Variants in NKAIN2 observed in about 807,000 individuals in gnomAD.
NKAIN2 encodes the protein sodium/potassium-transporting ATPase subunit beta-1-interacting protein 2.
NKAIN2 carries 14 observed loss-of-function variants against 32.6 expected under a neutral mutation model. The ratio of observed to expected loss-of-function variants is 0.43; its 90% CI spans 0.28 to 0.67. The LOEUF (loss-of-function observed/expected upper bound fraction) is 0.67, where lower values mean the gene tolerates loss of function less well. NKAIN2 is among the 30% of genes least tolerant of loss of function. The probability of loss-of-function intolerance (pLI) is 0.17; values close to 1 mark genes in which losing one functional copy is unlikely to be tolerated. For missense variants in NKAIN2, 198 were observed against 258.3 expected (o/e 0.77, Z 1.60); for synonymous variants, 80 against 87.2 (o/e 0.92, Z 0.46).
intron 1 of NKAIN2, among the ~76,000 whole-genome samples, chr6:124,113,303 T>C (rs902173081): frequency 2.6e-5 from 4 of 152,154 alleles, no homozygotes; most frequent in African/African-American, 9.6e-5. Flanking sequence ...CTATTTTTCC[T>C]CAGGTGGCTA....
intron 4 of NKAIN2, among the ~76,000 whole-genome samples, chr6:124,783,259 T>C (rs918262247): frequency 1.3e-5 from 2 of 152,194 alleles, no homozygotes; most frequent in Non-Finnish European, 2.9e-5. Flanking sequence ...AAGTTTGGAC[T>C]GAAGAAATCT....
intron 4 of NKAIN2, among the ~76,000 whole-genome samples, chr6:124,762,030 A>G (rs904553307): frequency 1.3e-5 from 2 of 152,122 alleles, no homozygotes; most frequent in Admixed American, 1.3e-4. Flanking sequence ...AGAAGTAACT[A>G]TTAGATGTTT....
Position 124,695,492 on chromosome 6 carries a change from C to T in NKAIN2, c.474+37106C>T, listed in dbSNP as rs140409465. ...CCACTTATTGATTTGATTCTGAGAG[C>T]TTTATGAAGGTTAAATATTGTTCTG... is the stretch of plus-strand genomic sequence containing the variant. On this transcript the variant is annotated intron_variant, in intron 4 of 6. Transcript: ENST00000368417. 2.1e-3 allele frequency among the ~76,000 whole-genome samples: 315 copies of T among 152,270 alleles called. 1 individual carries two copies. Among genetic ancestry groups the T allele is most frequent in the African/African-American group, 7.3e-3 (303 of 41,560 alleles).
chr6:124,467,442 C>T (rs1776805243), intron 3 of NKAIN2, among the ~76,000 whole-genome samples: 1 of 152,066 alleles, frequency 6.6e-6, no homozygotes, highest in African/African-American at 2.4e-5. Context: ...AAAGACTTCA[C>T]TACAGTTACA....
At chr6:124,730,746 A>G (rs1188608615) in intron 4 of NKAIN2, among the ~76,000 whole-genome samples, 2 of 151,926 alleles carry the variant, frequency 1.3e-5, no homozygotes, top group Non-Finnish European at 2.9e-5. Context: ...TGCACAGCAA[A>G]AGAAACTACC....
chr6:124,010,459 T>A (rs1780273349), intron 1 of NKAIN2, among the ~76,000 whole-genome samples: 1 of 151,330 alleles, frequency 6.6e-6, no homozygotes, highest in Non-Finnish European at 1.5e-5. Context: ...TATGCTTTCA[T>A]TGCAAATTTA....
chr6:124,775,304 G>A (rs1778938409), intron 4 of NKAIN2, among the ~76,000 whole-genome samples: 1 of 152,160 alleles, frequency 6.6e-6, no homozygotes, highest in South Asian at 2.1e-4. Flanking sequence ...ATTGGGCCAA[G>A]CCATTCTGAA....
At chr6:124,026,579 C>T (rs1265322906) in intron 1 of NKAIN2, among the ~76,000 whole-genome samples, 1 of 152,130 alleles carries the variant, frequency 6.6e-6, no homozygotes, top group African/African-American at 2.4e-5. Flanking sequence ...CATGACACTA[C>T]TCCCCTCTCC....
At chr6:124,288,142 T>C (rs999616250) in intron 2 of NKAIN2, among the ~76,000 whole-genome samples, 3 of 152,216 alleles carry the variant, frequency 2.0e-5, no homozygotes, top group Non-Finnish European at 4.4e-5. Flanking sequence ...CTGATTCTCC[T>C]GTATATCTAC....
chr6:124,477,737 T>C (rs1195770764), intron 3 of NKAIN2, among the ~76,000 whole-genome samples: 1 of 49,050 alleles, frequency 2.0e-5, no homozygotes, highest in Non-Finnish European at 3.9e-5. Flanking sequence ...CCCCTCCCTC[T>C]CCTTCCCCCT....
chr6:123,832,544 C>A (rs999218560), intron 1 of NKAIN2, among the ~76,000 whole-genome samples: 2 of 152,054 alleles, frequency 1.3e-5, no homozygotes, highest in Non-Finnish European at 1.5e-5. Context: ...TGTAAGAAAC[C>A]GCTAAACTGT....
intron 3 of NKAIN2, among the ~76,000 whole-genome samples, chr6:124,379,242 A>AGGGAGGGGAGGGG: frequency 8.8e-6 from 1 of 114,268 alleles, no homozygotes; most frequent in African/African-American, 3.4e-5. Flanking sequence ...GGAAGGAGAG[A>AGGGAGGGGAGGGG]AGGGAGAGAG....
At chr6:124,299,900 A>G (rs1046535252) in intron 2 of NKAIN2, among the ~76,000 whole-genome samples, 1 of 152,222 alleles carries the variant, frequency 6.6e-6, no homozygotes, top group African/African-American at 2.4e-5. Flanking sequence ...TTTCTTTCCC[A>G]GTATGTGCGA....
At chr6:124,399,736 G>T (rs1190792628) in intron 3 of NKAIN2, among the ~76,000 whole-genome samples, 3 of 152,140 alleles carry the variant, frequency 2.0e-5, no homozygotes, top group Admixed American at 2.0e-4. Flanking sequence ...AGAACAGCCG[G>T]CTTTGGCCAA....
chr6:124,814,622 G>A (rs576996625), intron 5 of NKAIN2, among the ~76,000 whole-genome samples: 144 of 152,136 alleles, frequency 9.5e-4, no homozygotes, highest in African/African-American at 3.4e-3. Context: ...TGGTTAATAA[G>A]AGCAAGCCCC....
intron 1 of NKAIN2, among the ~76,000 whole-genome samples, chr6:124,075,031 G>A (rs1282576888): frequency 6.6e-6 from 1 of 152,148 alleles, no homozygotes; most frequent in Non-Finnish European, 1.5e-5. Flanking sequence ...GTTTTGACAA[G>A]TGTTACCACA....
At chr6:124,306,764 G>A (rs1379682368) in intron 2 of NKAIN2, among the ~76,000 whole-genome samples, 2 of 152,098 alleles carry the variant, frequency 1.3e-5, no homozygotes, top group African/African-American at 4.8e-5. Flanking sequence ...TTGAGTTTGT[G>A]GATCAGAAGA....
chr6:124,519,181 G>A (rs772192413), intron 3 of NKAIN2, among the ~76,000 whole-genome samples: 1 of 152,064 alleles, frequency 6.6e-6, no homozygotes, highest in Non-Finnish European at 1.5e-5. Flanking sequence ...CTCAAGATGG[G>A]GCAAAGATTG....
At chr6:124,551,115 G>A (rs1449065112) in intron 3 of NKAIN2, among the ~76,000 whole-genome samples, 2 of 152,154 alleles carry the variant, frequency 1.3e-5, no homozygotes, top group African/African-American at 2.4e-5. Context: ...TTTGCCAGCT[G>A]ACTATAATTG....
Sources: allele counts gnomAD v4.1 joint callset (sites outside exome capture counted in the v4.1 genomes callset), GRCh38; gene constraint gnomAD v4.1.1; transcripts MANE v1.5; gene names NCBI Gene and HGNC (gene_info 2026-07-23, HGNC 2026-07-21).